The following DNAJC1 variants were observed in gnomAD, a reference collection of about 807,000 sequenced individuals.
The protein encoded by DNAJC1 is dnaJ homolog subfamily C member 1.
DNAJC1 carries 58 observed loss-of-function variants against 76.6 expected under a neutral mutation model. The observed-to-expected ratio is 0.76, with a 90% confidence interval of 0.61 to 0.94. The LOEUF is 0.94. Ranked by LOEUF, DNAJC1 falls within the 40% of genes least tolerant of loss-of-function variation. DNAJC1 has a pLI of 0.00. For synonymous variants in DNAJC1, 258 were observed against 267.9 expected, an observed-to-expected ratio of 0.96 and a Z score of 0.36; for missense variants, 689 against 677.3, an observed-to-expected ratio of 1.02 and a Z score of -0.19.
intron 8 of DNAJC1, among the ~76,000 whole-genome samples, chr10:21,807,813 A>G (rs1380753639): frequency 1.3e-5 from 2 of 152,222 alleles, no homozygotes; most frequent in African/African-American, 4.8e-5. Flanking sequence ...AATTTCTTTG[A>G]TATTTAATGA....
intron 1 of DNAJC1, among the ~76,000 whole-genome samples, chr10:21,975,871 T>G (rs905547065): frequency 2.0e-5 from 3 of 152,228 alleles, no homozygotes; most frequent in African/African-American, 7.2e-5. Flanking sequence ...TTCATTAAAC[T>G]ATGAATTGAT....
At chr10:21,887,878 T>C (rs1836393621) in intron 7 of DNAJC1, among the ~76,000 whole-genome samples, 1 of 151,948 alleles carries the variant, frequency 6.6e-6, no homozygotes, top group African/African-American at 2.4e-5. Flanking sequence ...AAAGCAAAAA[T>C]TGACAACTGA....
intron 1 of DNAJC1, among the ~76,000 whole-genome samples, chr10:21,945,883 A>G (rs920010772): frequency 2.6e-5 from 4 of 151,998 alleles, no homozygotes; most frequent in African/African-American, 9.7e-5. Context: ...ATCAATAGTG[A>G]TTAATTCTAC....
chr10:21,794,152 C>G (rs1326126438), intron 9 of DNAJC1, among the ~76,000 whole-genome samples: 1 of 151,540 alleles, frequency 6.6e-6, no homozygotes, highest in Admixed American at 6.6e-5. Context: ...CACTTGTATT[C>G]CCAGCTATTT....
At chr10:21,790,316 C>G (rs955649453) in intron 9 of DNAJC1, among the ~76,000 whole-genome samples, 1 of 151,374 alleles carries the variant, frequency 6.6e-6, no homozygotes, top group Non-Finnish European at 1.5e-5. Context: ...ATCCAGAGAC[C>G]CCCAAATAGA....
chr10:21,963,674 C>T (rs1033447646), intron 1 of DNAJC1, among the ~76,000 whole-genome samples: 1 of 152,036 alleles, frequency 6.6e-6, no homozygotes, highest in Non-Finnish European at 1.5e-5. Flanking sequence ...GATCTTTTTG[C>T]GTCTTTGTAT....
At chr10:21,862,053 G>C (rs970861406) in intron 8 of DNAJC1, among the ~76,000 whole-genome samples, 3 of 151,660 alleles carry the variant, frequency 2.0e-5, no homozygotes, top group Non-Finnish European at 4.4e-5. Context: ...CGAGTAGCTA[G>C]GATTACAGGC....
At chr10:21,985,004 AG>A (rs1194937774) in intron 1 of DNAJC1, among the ~76,000 whole-genome samples, 1 of 152,216 alleles carries the variant, frequency 6.6e-6, no homozygotes, top group African/African-American at 2.4e-5. Context: ...CTATCAAATA[AG>A]ACTCAATTTA....
intron 8 of DNAJC1, among the ~76,000 whole-genome samples, chr10:21,811,646 A>G (rs1834967980): frequency 6.6e-6 from 1 of 152,238 alleles, no homozygotes; most frequent in South Asian, 2.1e-4. Flanking sequence ...AATATTCTCA[A>G]CACATATCAG....
intron 7 of DNAJC1, among the ~76,000 whole-genome samples, chr10:21,901,435 T>A (rs1455646219): frequency 6.6e-6 from 1 of 152,200 alleles, no homozygotes; most frequent in East Asian, 1.9e-4. Flanking sequence ...GTGTAAAAAA[T>A]CATTAACCCT....
chr10:21,989,782 CCCTAAGCCACCTATATAAGA>C (rs913825298), intron 1 of DNAJC1, among the ~76,000 whole-genome samples: 1 of 152,048 alleles, frequency 6.6e-6, no homozygotes, highest in Non-Finnish European at 1.5e-5. Context: ...CAGGAGGGAG[CCCTAAGCCACCTATATAAGA>C]CCTAGTTCTT....
Position 21,877,013 on chromosome 10 carries a change from G to A in DNAJC1, c.978+5269C>T, listed in dbSNP as rs991001543. 9.2e-5 allele frequency among the ~76,000 whole-genome samples: 14 copies of A among 152,266 alleles called. No individual in the cohort carries two copies. In the East Asian group the frequency reaches 2.7e-3, roughly 29 times the overall value. ...TGTTTGTTCAGGTGTGGCGGCTCAT[G>A]CTTGTAATCCTAACACTTTGGGAGG... is the stretch of plus-strand genomic sequence containing the variant. On this transcript the variant is annotated intron_variant, in intron 8 of 11. Coordinates refer to ENST00000376980, the MANE Select transcript of DNAJC1 (RefSeq NM_022365.4).
chr10:21,834,242 C>T (rs1050977947), intron 8 of DNAJC1, among the ~76,000 whole-genome samples: 16 of 151,122 alleles, frequency 1.1e-4, no homozygotes, highest in African/African-American at 2.7e-4. Context: ...CCAGCCTGGG[C>T]GACAGAGCAA....
rs182408152 is a variant in DNAJC1 at position 21,994,481 on chromosome 10, C to T, written c.222+8732G>A. ...ATTTGAACTTTATCAAATGTCTAAA[C>T]TAAAATGCTTTAAACATAAGAAGTT... On this transcript the variant is annotated intron_variant, in intron 1 of 11. Transcript: ENST00000376980. Among the ~76,000 whole-genome samples, 336 of 152,220 alleles carry T rather than the reference C, an allele frequency of 2.2e-3. 3 individuals are homozygous for T. The highest frequency in any genetic ancestry group is 7.7e-3 in the African/African-American group (320 of 41,524).
chr10:21,984,863 A>G lies in DNAJC1; in HGVS notation c.222+18350T>C, dbSNP rs147029966. Among the ~76,000 whole-genome samples the G allele has an allele frequency of 2.6e-4, 39 of 152,292 alleles. No homozygotes were observed. In the East Asian group the frequency reaches 6.6e-3, roughly 26 times the overall value. On this transcript the variant is annotated intron_variant, in intron 1 of 11. Transcript: ENST00000376980. Reference sequence around the variant, plus strand: ...CAGCATAGATGCAACAGTAGAAATAACCTTGTGTACTCAGTTTACACACAG... The same window carrying G: ...CAGCATAGATGCAACAGTAGAAATAGCCTTGTGTACTCAGTTTACACACAG...
chr10:21,850,702 C>A (rs1835737953), intron 8 of DNAJC1, among the ~76,000 whole-genome samples: 1 of 151,838 alleles, frequency 6.6e-6, no homozygotes, highest in African/African-American at 2.4e-5. Flanking sequence ...TCTCAAGGAA[C>A]CCTAAATAGC....
At chr10:21,769,484 G>A (rs1469244306) in intron 9 of DNAJC1, among the ~76,000 whole-genome samples, 1 of 152,094 alleles carries the variant, frequency 6.6e-6, no homozygotes, top group Non-Finnish European at 1.5e-5. Context: ...AAAACAAGCA[G>A]GGATCTAAAA....
intron 9 of DNAJC1, among the ~76,000 whole-genome samples, chr10:21,766,763 G>C (rs940739747): frequency 6.6e-6 from 1 of 152,052 alleles, no homozygotes; most frequent in Admixed American, 6.6e-5. Flanking sequence ...TTGAGGTCAG[G>C]AGTTCAAGAC....
chr10:21,941,183 G>A (rs1837404202), intron 1 of DNAJC1, among the ~76,000 whole-genome samples: 1 of 150,086 alleles, frequency 6.7e-6, no homozygotes, highest in Non-Finnish European at 1.5e-5. Context: ...GCAGGAGAAT[G>A]GCGGGAACCC....
Sources: allele counts gnomAD v4.1 joint callset (sites outside exome capture counted in the v4.1 genomes callset), GRCh38; gene constraint gnomAD v4.1.1; transcripts MANE v1.5; gene names NCBI Gene and HGNC (gene_info 2026-07-23, HGNC 2026-07-21).